The following SIPA1L2 variants were observed in gnomAD, a reference collection of about 807,000 sequenced individuals.
The protein encoded by SIPA1L2 is signal-induced proliferation-associated 1-like protein 2.
A neutral mutation model predicts 163.9 loss-of-function variants in SIPA1L2; 56 were observed. The ratio of observed to expected loss-of-function variants is 0.34; its 90% CI spans 0.28 to 0.43. The LOEUF is 0.43. SIPA1L2 is among the 20% of genes least tolerant of loss of function. The probability of loss-of-function intolerance (pLI) is 1.00; values close to 1 mark genes in which losing one functional copy is unlikely to be tolerated. For missense variants in SIPA1L2, 1,974 were observed against 2,193.5 expected (o/e 0.90, Z 2.00); for synonymous variants, 877 against 865.7 (o/e 1.01, Z -0.23).
intron 6 of SIPA1L2, 89 bp downstream of exon 6, chr1:232,483,703 G>A: frequency 1.4e-6 from 2 of 1,451,836 alleles, no homozygotes; most frequent in Non-Finnish European, 1.9e-6. Flanking sequence ...GCCGGGAACA[G>A]GAGGGCATGT....
At chr1:232,489,818 G>T (rs12749583) in intron 5 of SIPA1L2, among the ~76,000 whole-genome samples, 1 of 151,940 alleles carries the variant, frequency 6.6e-6, no homozygotes, top group Non-Finnish European at 1.5e-5. Flanking sequence ...TTTAAAATAA[G>T]TTGCATGCAC....
At chr1:232,460,017 C>T (rs1349224312) in intron 10 of SIPA1L2, among the ~76,000 whole-genome samples, 1 of 152,000 alleles carries the variant, frequency 6.6e-6, no homozygotes, top group Non-Finnish European at 1.5e-5. Context: ...GGATTCCAAG[C>T]ATACTTTGTC....
At chr1:232,532,762 G>C (rs372401104) in intron 2 of SIPA1L2, among the ~76,000 whole-genome samples, 1 of 152,054 alleles carries the variant, frequency 6.6e-6, no homozygotes. Context: ...CCCAATCACG[G>C]CAAATGCCCA....
intron 5 of SIPA1L2, among the ~76,000 whole-genome samples, chr1:232,486,143 T>G (rs1407004794): frequency 1.3e-5 from 2 of 152,156 alleles, no homozygotes; most frequent in Non-Finnish European, 2.9e-5. Flanking sequence ...CATCCAGCTC[T>G]TAAATGAGGA....
At chr1:232,480,215 T>C (rs1665276099) in intron 6 of SIPA1L2, among the ~76,000 whole-genome samples, 1 of 151,534 alleles carries the variant, frequency 6.6e-6, no homozygotes. Context: ...TTCTTAGTTA[T>C]TCTTGGCACT....
intron 1 of SIPA1L2, among the ~76,000 whole-genome samples, chr1:232,615,574 C>T (rs1188383363): frequency 6.6e-6 from 1 of 152,224 alleles, no homozygotes; most frequent in Non-Finnish European, 1.5e-5. Flanking sequence ...TAAGTGATTA[C>T]CATTATTCCA....
intron 18 of SIPA1L2, among the ~76,000 whole-genome samples, chr1:232,419,103 G>A (rs906326462): frequency 6.6e-6 from 1 of 152,210 alleles, no homozygotes; most frequent in Middle Eastern, 3.2e-3. Flanking sequence ...ACATTTGGGG[G>A]AGGCCTGTCC....
intron 1 of SIPA1L2, among the ~76,000 whole-genome samples, chr1:232,577,358 A>G (rs1660132789): frequency 6.6e-6 from 1 of 152,236 alleles, no homozygotes; most frequent in Non-Finnish European, 1.5e-5. Flanking sequence ...GCATCTGGTT[A>G]TCCGAGACCT....
chr1:232,595,727 A>G (rs766792728), intron 1 of SIPA1L2, among the ~76,000 whole-genome samples: 1 of 152,160 alleles, frequency 6.6e-6, no homozygotes, highest in African/African-American at 2.4e-5. Flanking sequence ...CTGTGCTACA[A>G]ATGACCATTT....
At chr1:232,550,144 C>T (rs1024425393) in intron 2 of SIPA1L2, among the ~76,000 whole-genome samples, 1 of 152,184 alleles carries the variant, frequency 6.6e-6, no homozygotes, top group East Asian at 1.9e-4. Context: ...ATTAACAATG[C>T]TACTTCATTA....
intron 19 of SIPA1L2, among the ~76,000 whole-genome samples, chr1:232,408,050 G>A (rs1274254637): frequency 3.3e-5 from 5 of 152,186 alleles, no homozygotes; most frequent in Non-Finnish European, 1.5e-5. Flanking sequence ...CAAAGGGTAT[G>A]ATAAGCACTG....
chr1:232,399,514 G>A (rs1660205225), intron 22 of SIPA1L2, among the ~76,000 whole-genome samples: 1 of 151,924 alleles, frequency 6.6e-6, no homozygotes, highest in Non-Finnish European at 1.5e-5. Context: ...GGGGTGCTAA[G>A]ATAGCCTTTA....
At chr1:232,589,209 C>G (rs756527035) in intron 1 of SIPA1L2, among the ~76,000 whole-genome samples, 8 of 152,208 alleles carry the variant, frequency 5.3e-5, no homozygotes, top group Non-Finnish European at 1.0e-4. Flanking sequence ...TTCATTAAGC[C>G]AAATACGTAT....
intron 2 of SIPA1L2, among the ~76,000 whole-genome samples, chr1:232,560,590 G>A (rs1658973358): frequency 6.6e-6 from 1 of 152,168 alleles, no homozygotes; most frequent in Non-Finnish European, 1.5e-5. Flanking sequence ...GCCCAGCAGG[G>A]AGGCCCTCCA....
intron 2 of SIPA1L2, among the ~76,000 whole-genome samples, chr1:232,559,473 GC>G: frequency 6.6e-6 from 1 of 152,090 alleles, no homozygotes; most frequent in Non-Finnish European, 1.5e-5. Context: ...AAAGAAATAT[GC>G]CAACTCCTGT....
At chr1:232,493,407 GT>G in intron 4 of SIPA1L2, 119 bp downstream of exon 4, 1 of 1,265,012 alleles carries the variant, frequency 7.9e-7, no homozygotes, top group Non-Finnish European at 1.1e-6. Context: ...TATCTTAAAT[GT>G]TGCAATCATT....
chr1:232,462,126 A>G (rs1311991582), intron 9 of SIPA1L2: 4 of 1,115,014 alleles, frequency 3.6e-6, no homozygotes, highest in Non-Finnish European at 5.3e-6. Context: ...ACATGAAAGA[A>G]GAATGGTGGA....
At chr1:232,571,400 GAA>G (rs1339679366) in intron 2 of SIPA1L2, among the ~76,000 whole-genome samples, 3 of 152,236 alleles carry the variant, frequency 2.0e-5, no homozygotes, top group Non-Finnish European at 2.9e-5. Flanking sequence ...GTGGGTTTCT[GAA>G]AAGTCTGTTG....
intron 2 of SIPA1L2, among the ~76,000 whole-genome samples, chr1:232,520,361 C>G (rs1667408093): frequency 6.6e-6 from 1 of 152,204 alleles, no homozygotes; most frequent in Non-Finnish European, 1.5e-5. Context: ...GGCCACCGAC[C>G]AAAATTGAAG....
Sources: gnomAD v4.1 joint callset for allele counts (sites outside exome capture counted in the v4.1 genomes callset) on GRCh38, gnomAD v4.1.1 for gene constraint, MANE v1.5 for transcripts, NCBI Gene and HGNC (gene_info 2026-07-23, HGNC 2026-07-21) for gene names.